Variants in ARID1B observed in about 807,000 individuals in gnomAD.
ARID1B encodes AT-rich interaction domain 1B, also known as AT-rich interactive domain-containing protein 1B.
In ARID1B, 30 loss-of-function variants were observed where a neutral mutation model predicts 212.3. The ratio of observed to expected loss-of-function variants is 0.14; its 90% CI spans 0.11 to 0.19. ARID1B has a LOEUF of 0.19. Among genes scored for constraint, ARID1B ranks in the 10% least tolerant of loss-of-function variants. The pLI, the probability that ARID1B is intolerant of heterozygous loss-of-function variation, is 1.00. For missense variants in ARID1B, 2,891 were observed against 3,204.0 expected, an observed-to-expected ratio of 0.90 and a Z score of 2.36; for synonymous variants, 1,402 against 1,301.7, an observed-to-expected ratio of 1.08 and a Z score of -1.66.
At chr6:157,110,248 G>C (rs867518938) in intron 5 of ARID1B, among the ~76,000 whole-genome samples, 2 of 152,132 alleles carry the variant, frequency 1.3e-5, no homozygotes, top group African/African-American at 2.4e-5. Flanking sequence ...AACTCATTCA[G>C]TAACAACTTT....
chr6:157,097,944 T>A (rs1391798849), intron 5 of ARID1B, among the ~76,000 whole-genome samples: 1 of 152,208 alleles, frequency 6.6e-6, no homozygotes. Context: ...ATTGCAAGGT[T>A]GTTAGAATCT....
chr6:157,039,834 TTCTTTCTCTCTCTTTCTCTC>T (rs200568705), intron 4 of ARID1B, among the ~76,000 whole-genome samples: 11 of 115,804 alleles, frequency 9.5e-5, no homozygotes, highest in Non-Finnish European at 8.9e-5. Context: ...CTTTCTCTCT[TTCTTTCTCTCTCTTTCTCTC>T]TCTTTCTCTC....
chr6:157,170,226 T>G (rs1028926675), intron 9 of ARID1B: 1 of 152,218 alleles, frequency 6.6e-6, no homozygotes, highest in Non-Finnish European at 1.5e-5. Context: ...CTGGCAGATC[T>G]GCTGCCAGCT....
chr6:157,188,508 A>G (rs1793136626), intron 13 of ARID1B, among the ~76,000 whole-genome samples: 1 of 152,230 alleles, frequency 6.6e-6, no homozygotes, highest in African/African-American at 2.4e-5. Flanking sequence ...CACTAGAGTA[A>G]AATGTGAATA....
chr6:156,786,380 A>C (rs1779632347), intron 1 of ARID1B, among the ~76,000 whole-genome samples: 1 of 152,154 alleles, frequency 6.6e-6, no homozygotes, highest in Non-Finnish European at 1.5e-5. Context: ...TTGTATGTGG[A>C]AAAATTACTA....
intron 4 of ARID1B, among the ~76,000 whole-genome samples, chr6:157,008,954 G>T (rs1779403379): frequency 6.6e-6 from 1 of 152,176 alleles, no homozygotes; most frequent in African/African-American, 2.4e-5. Context: ...TAAGAATATA[G>T]TTTAGTTACA....
chr6:156,829,526 G>T, intron 2 of ARID1B, 105 bp downstream of exon 2: 1 of 1,187,860 alleles, frequency 8.4e-7, no homozygotes, highest in South Asian at 2.1e-5. Context: ...GGCATTGCAC[G>T]GATTTTCTGC....
chr6:157,037,360 A>G (rs576408740), intron 4 of ARID1B, among the ~76,000 whole-genome samples: 2 of 152,320 alleles, frequency 1.3e-5, no homozygotes, highest in East Asian at 1.9e-4. Context: ...ATCTAAGCCT[A>G]TAAGCAGATA....
intron 6 of ARID1B, among the ~76,000 whole-genome samples, chr6:157,132,318 G>T (rs1490914205): frequency 1.3e-5 from 2 of 152,226 alleles, no homozygotes; most frequent in African/African-American, 4.8e-5. Flanking sequence ...GCATTTGGAG[G>T]AGTGGCAGTA....
At chr6:157,132,448 G>A (rs917471505) in intron 6 of ARID1B, among the ~76,000 whole-genome samples, 2 of 152,234 alleles carry the variant, frequency 1.3e-5, no homozygotes, top group Non-Finnish European at 2.9e-5. Flanking sequence ...TGACCTGTAA[G>A]GGGTAGTGCC....
In ARID1B at chr6:156,778,762, G is replaced by T; in HGVS notation, c.1082G>T (p.Gly361Val). The change falls in exon 1 of 20, where the codon GGC becomes GTC. Residue 361 changes from glycine (G) to valine (V), a missense_variant. By Grantham distance (109) the Gly-to-Val change is moderately radical (BLOSUM62 -3). Coordinates refer to ENST00000636930, the MANE Select transcript of ARID1B (RefSeq NM_001374828.1). ...SASAAAAGAP[G>V]SMDPLQNSHE... ...TCCGCCGCCGCCGCCGGGGCCCCCG[G>T]CAGCATGGACCCCCTGCAGAACTCC... 6.6e-7 allele frequency: 1 copy of T among 1,520,580 alleles called. No homozygotes were observed. 94.2% of individuals were successfully genotyped at this position (1,520,580 alleles called of 1,614,324 possible). A position where few individuals can be genotyped will look rare whatever the true frequency, so the allele number is the denominator to read the frequency against.
At chr6:156,872,378 A>G (rs1434369735) in intron 2 of ARID1B, among the ~76,000 whole-genome samples, 8 of 152,000 alleles carry the variant, frequency 5.3e-5, no homozygotes, top group African/African-American at 4.8e-5. Flanking sequence ...CTGGAGTGCA[A>G]TGGTGCGATC....
intron 4 of ARID1B, among the ~76,000 whole-genome samples, chr6:157,038,037 A>G (rs1562567546): frequency 6.6e-6 from 1 of 152,230 alleles, no homozygotes; most frequent in Admixed American, 6.5e-5. Flanking sequence ...ATATTTCCTG[A>G]TAATTTTTAA....
At chr6:156,990,000 T>A (rs918157946) in intron 4 of ARID1B, among the ~76,000 whole-genome samples, 8 of 152,160 alleles carry the variant, frequency 5.3e-5, no homozygotes, top group Non-Finnish European at 7.3e-5. Context: ...TAATGTAAAA[T>A]TTCTTATACA....
At chr6:156,784,115 G>C (rs1373901034) in intron 1 of ARID1B, among the ~76,000 whole-genome samples, 1 of 151,910 alleles carries the variant, frequency 6.6e-6, no homozygotes. Flanking sequence ...TCAAGGGGCC[G>C]TATCCACCTC....
chr6:157,185,656 A>G (rs1792924120), intron 13 of ARID1B: 1 of 152,244 alleles, frequency 6.6e-6, no homozygotes, highest in Non-Finnish European at 1.5e-5. Flanking sequence ...CTCTGGCTGT[A>G]TTGAAAATAC....
At chr6:157,035,913 G>A (rs1781297215) in intron 4 of ARID1B, among the ~76,000 whole-genome samples, 1 of 152,166 alleles carries the variant, frequency 6.6e-6, no homozygotes, top group Non-Finnish European at 1.5e-5. Context: ...CACAAGGGAA[G>A]AATACAATTT....
intron 1 of ARID1B, among the ~76,000 whole-genome samples, chr6:156,785,000 T>A (rs1332720771): frequency 1.3e-5 from 2 of 152,170 alleles, no homozygotes; most frequent in African/African-American, 2.4e-5. Context: ...CCTCAAGTGA[T>A]CCACCCTCCT....
intron 4 of ARID1B, among the ~76,000 whole-genome samples, chr6:157,010,278 G>GTTTTTTTTTTTTTTTTTT (rs367851681): frequency 7.8e-5 from 8 of 102,290 alleles, no homozygotes; most frequent in Admixed American, 9.9e-5. Context: ...TGCATTGCCT[G>GTTTTTTTTTTTTTTTTTT]TTTTTTTTTT....
Sources: gnomAD v4.1 joint callset for allele counts (sites outside exome capture counted in the v4.1 genomes callset) on GRCh38, gnomAD v4.1.1 for gene constraint, MANE v1.5 for transcripts, NCBI Gene and HGNC (gene_info 2026-07-23, HGNC 2026-07-21) for gene names.